SLC24A4: variants seen among roughly 807,000 people sequenced by gnomAD.
SLC24A4 encodes sodium/potassium/calcium exchanger 4.
In SLC24A4, 53 loss-of-function variants were observed where a neutral mutation model predicts 79.0. That is an observed-to-expected ratio of 0.67 (90% CI 0.54 to 0.84). The LOEUF (loss-of-function observed/expected upper bound fraction) is 0.84, where lower values mean the gene tolerates loss of function less well. Ranked by LOEUF, SLC24A4 falls within the 40% of genes least tolerant of loss-of-function variation. The probability of loss-of-function intolerance (pLI) is 0.00; values close to 1 mark genes in which losing one functional copy is unlikely to be tolerated. For missense variants in SLC24A4, 731 were observed against 822.0 expected (o/e 0.89, Z 1.35); for synonymous variants, 323 against 323.8 (o/e 1.00, Z 0.03).
At chr14:92,416,480 C>A (rs1308031494) in intron 2 of SLC24A4, among the ~76,000 whole-genome samples, 1 of 152,140 alleles carries the variant, frequency 6.6e-6, no homozygotes, top group Non-Finnish European at 1.5e-5. Flanking sequence ...ACTGAACTTT[C>A]CAGACTTTTA....
At chr14:92,379,260 GGTCCCCAGTTCTCT>G (rs1322016705) in intron 2 of SLC24A4, among the ~76,000 whole-genome samples, 11 of 152,284 alleles carry the variant, frequency 7.2e-5, no homozygotes, top group African/African-American at 2.6e-4. Flanking sequence ...TTATTGGGCA[GGTCCCCAGTTCTCT>G]GTCTGTGAAA....
chr14:92,465,936 T>A (rs955395260), intron 12 of SLC24A4, among the ~76,000 whole-genome samples: 1 of 152,212 alleles, frequency 6.6e-6, no homozygotes, highest in Non-Finnish European at 1.5e-5. Flanking sequence ...TCATTCTTCC[T>A]CTTCCCCACA....
chr14:92,448,375 C>CACACACACACACACACACACACACAG (rs1375708706), intron 9 of SLC24A4, among the ~76,000 whole-genome samples: 1 of 151,794 alleles, frequency 6.6e-6, no homozygotes, highest in African/African-American at 2.4e-5. Context: ...CACACACACA[C>CACACACACACACACACACACACACAG]ACACAAATCC....
chr14:92,350,915 T>G (rs1319317068), intron 2 of SLC24A4, among the ~76,000 whole-genome samples: 1 of 152,170 alleles, frequency 6.6e-6, no homozygotes, highest in Non-Finnish European at 1.5e-5. Context: ...ATTAGTGCCC[T>G]TATTAAAAGA....
At position 92,456,576 on chromosome 14, in the gene SLC24A4, A is replaced by G. The variant is rs1389874997; in HGVS notation, c.1223A>G (p.Glu408Gly). The G allele has an allele frequency of 2.5e-6, 4 of 1,613,756 alleles. No individual in the cohort carries two copies. Among genetic ancestry groups the G allele is most frequent in the Non-Finnish European group, 3.4e-6 (4 of 1,179,934 alleles). ...QPPPPEPEPV[E>G]ADFLSPFSVP... ...CCACCGCCAGAGCCAGAGCCGGTGG[A>G]GGCTGACTTCCTGTCCCCCTTCTCC... The change falls in exon 12 of 17, where the codon GAG becomes GGG. Residue 408 changes from glutamate to glycine, a missense_variant. Transcript: ENST00000532405.
intron 9 of SLC24A4, 42 bp downstream of exon 9, chr14:92,447,466 C>G (rs200675048): frequency 1.9e-4 from 300 of 1,570,572 alleles, no homozygotes; most frequent in East Asian, 3.6e-4. Context: ...GACGCCTTGC[C>G]CCACTGCCTG....
At position 92,441,697 on chromosome 14, in the gene SLC24A4, G is replaced by C. The variant is rs1378852204; in HGVS notation, c.394-392G>C. The stretch of plus-strand genomic sequence containing the variant: ...CTGCCCTCATCATCCGGTGAGGGAA[G>C]GCAAGCGTGTGGACCACAAACCCTC... On this transcript the variant is annotated intron_variant, in intron 4 of 16. Transcript: ENST00000532405. The surrounding 1 kb of genome is among the most constrained non-coding windows in gnomAD (Gnocchi z 4.6). Among the ~76,000 whole-genome samples the C allele has an allele frequency of 6.6e-6, 1 of 152,266 alleles. No individual in the cohort carries two copies. Among genetic ancestry groups the C allele is most frequent in the East Asian group, 1.9e-4 (1 of 5,204 alleles).
intron 5 of SLC24A4, among the ~76,000 whole-genome samples, chr14:92,442,482 A>C (rs1312419317): frequency 6.6e-6 from 1 of 152,258 alleles, no homozygotes; most frequent in Non-Finnish European, 1.5e-5. Context: ...TATAGCATGC[A>C]CATTATATCT....
Position 92,443,494 on chromosome 14 carries a change from C to T in SLC24A4, c.657+20C>T, listed in dbSNP as rs775809669. 6.2e-7 allele frequency: 1 copy of T among 1,613,854 alleles called. No homozygotes were observed. The highest frequency in any genetic ancestry group is 1.1e-5 in the South Asian group (1 of 91,064). On this transcript the variant is annotated intron_variant, in intron 7 of 16. Coordinates refer to ENST00000532405, the MANE Select transcript of SLC24A4 (RefSeq NM_153646.4). ...ATCGTGGTGAGTTGCCCCTCTGCCC[C>T]CAAGGTCAGGTTGGCTGGGACCCTG...
At chr14:92,420,247 C>T (rs1891203680) in intron 2 of SLC24A4, among the ~76,000 whole-genome samples, 1 of 152,240 alleles carries the variant, frequency 6.6e-6, no homozygotes, top group Non-Finnish European at 1.5e-5. Context: ...TTTGGGAGGC[C>T]AAGGCAGGTG....
intron 13 of SLC24A4, chr14:92,484,992 G>T (rs1895274713): frequency 2.8e-6 from 2 of 705,938 alleles, no homozygotes; most frequent in Non-Finnish European, 3.5e-6. Context: ...ACTTCATCTT[G>T]TTCAAGCATT....
intron 2 of SLC24A4, among the ~76,000 whole-genome samples, chr14:92,414,182 C>T (rs1890862493): frequency 6.6e-6 from 1 of 152,190 alleles, no homozygotes; most frequent in Admixed American, 6.5e-5. Flanking sequence ...CTGGATAATT[C>T]TTTGTTGTAG....
At chr14:92,484,863 T>A in intron 13 of SLC24A4, 1 of 985,448 alleles carries the variant, frequency 1.0e-6, no homozygotes, top group South Asian at 4.7e-5. Context: ...AACAGTCAGA[T>A]GATCATGAGC....
Position 92,325,880 on chromosome 14 carries a change from C to T in SLC24A4, c.143C>T (p.Ala48Val), listed in dbSNP as rs377005892. Residue 48 changes from alanine to valine, a missense_variant, in exon 2 of 17, where the codon GCT becomes GTT. By Grantham distance (64) the Ala-to-Val change is moderately conservative. Coordinates refer to ENST00000532405, the MANE Select transcript of SLC24A4 (RefSeq NM_153646.4). ...TTTTCCAATCCAGGGCACAAAACAG[C>T]TTCTGCTAGCAAACGTGTCCTGCCA... is the stretch of plus-strand genomic sequence containing the variant. ...GLFGSLGHKTASASKRVLPDT... is the reference protein window; with the variant it reads ...GLFGSLGHKTVSASKRVLPDT... 22 of 1,609,000 alleles carry T rather than the reference C, an allele frequency of 1.4e-5. No homozygotes were observed. Among genetic ancestry groups the T allele is most frequent in the Non-Finnish European group, 1.9e-5 (22 of 1,177,504 alleles).
chr14:92,382,146 A>G (rs1888890186), intron 2 of SLC24A4, among the ~76,000 whole-genome samples: 1 of 152,182 alleles, frequency 6.6e-6, no homozygotes, highest in Non-Finnish European at 1.5e-5. Flanking sequence ...AAGTGTGTGT[A>G]TATACATATA....
At chr14:92,448,249 C>A (rs1892913761) in intron 9 of SLC24A4, among the ~76,000 whole-genome samples, 1 of 151,726 alleles carries the variant, frequency 6.6e-6, no homozygotes, top group African/African-American at 2.4e-5. Context: ...GGTTGTAGAA[C>A]AATGTGAATG....
chr14:92,423,293 C>T (rs947061003), intron 2 of SLC24A4, among the ~76,000 whole-genome samples: 93 of 152,054 alleles, frequency 6.1e-4, no homozygotes, highest in African/African-American at 2.0e-3. Context: ...TACAGGCACG[C>T]GCGACCATGC....
intron 2 of SLC24A4, among the ~76,000 whole-genome samples, chr14:92,350,388 C>T (rs1267313630): frequency 1.3e-5 from 2 of 152,080 alleles, no homozygotes; most frequent in African/African-American, 4.8e-5. Flanking sequence ...AAGAGTGACT[C>T]CAGGTAGAAG....
chr14:92,365,728 G>T (rs1041037744), intron 2 of SLC24A4, among the ~76,000 whole-genome samples: 2 of 152,188 alleles, frequency 1.3e-5, no homozygotes, highest in African/African-American at 4.8e-5. Flanking sequence ...GTTCATTTTT[G>T]ACCTACTGTG....
Sources: allele counts gnomAD v4.1 joint callset (sites outside exome capture counted in the v4.1 genomes callset), GRCh38; gene constraint gnomAD v4.1.1; non-coding constraint Gnocchi (gnomAD v3.1); transcripts MANE v1.5; gene names NCBI Gene and HGNC (gene_info 2026-07-23, HGNC 2026-07-21).